PIK3C3: variants seen among roughly 807,000 people sequenced by gnomAD.
PIK3C3 encodes PI3-kinase type 3.
A neutral mutation model predicts 126.1 loss-of-function variants in PIK3C3; 95 were observed. That is an observed-to-expected ratio of 0.75 (90% CI 0.64 to 0.89). PIK3C3 has a LOEUF of 0.89. Ranked by LOEUF, PIK3C3 falls within the 40% of genes least tolerant of loss-of-function variation. PIK3C3 has a pLI of 0.00. For missense variants in PIK3C3, 829 were observed against 1,063.2 expected, an observed-to-expected ratio of 0.78 and a Z score of 3.06; for synonymous variants, 374 against 360.0, an observed-to-expected ratio of 1.04 and a Z score of -0.44.
Position 42,029,454 on chromosome 18 carries a change from T to G in PIK3C3, c.1707+13T>G, listed in dbSNP as rs772906730. ...TCGTAAGAAAAAGGTAAGCCTATGG[T>G]GTATGCTTTTGTTCCTAATAGCATC... On this transcript the variant is annotated intron_variant, in intron 15 of 24. Coordinates refer to ENST00000262039, the MANE Select transcript of PIK3C3 (RefSeq NM_002647.4). 48 of 1,435,108 alleles carry G rather than the reference T, an allele frequency of 3.3e-5. No homozygotes were observed. The highest frequency in any genetic ancestry group is 4.7e-5 in the Non-Finnish European group (48 of 1,017,248). The allele number at this position is 1,435,108 out of a possible 1,614,324, so 88.9% of individuals were successfully genotyped here. A position where few individuals can be genotyped will look rare whatever the true frequency, so the allele number is the denominator to read the frequency against.
At chr18:42,038,981 C>G in intron 18 of PIK3C3, 131 bp downstream of exon 18, 1 of 607,248 alleles carries the variant, frequency 1.6e-6, no homozygotes, top group East Asian at 3.0e-5. Context: ...GTTGGACCTT[C>G]CTGCCTGCTT....
chr18:42,040,719 T>G lies in PIK3C3; in HGVS notation c.2081T>G (p.Leu694Arg). 2 of 1,609,560 alleles carry G rather than the reference T, an allele frequency of 1.2e-6. No homozygotes were observed. The highest frequency in any genetic ancestry group is 2.2e-5 in the South Asian group (2 of 90,844). The change falls in exon 19 of 25, where the codon CTT becomes CGT. Residue 694 changes from leucine (L) to arginine (R), a missense_variant. By Grantham distance (102) the Leu-to-Arg change is moderately radical. Coordinates refer to ENST00000262039, the MANE Select transcript of PIK3C3 (RefSeq NM_002647.4). ...FIQSVPVAEV[L>R]DTEGSIQNFF... is the part of the protein sequence containing the mutation. The stretch of plus-strand genomic sequence containing the variant: ...CAGTCAGTTCCTGTGGCTGAAGTTC[T>G]TGATACAGAGGGAAGCATTCAGGTA...
At chr18:41,970,622 G>A in intron 4 of PIK3C3, 166 bp downstream of exon 4, 1 of 683,518 alleles carries the variant, frequency 1.5e-6, no homozygotes, top group South Asian at 1.7e-5. Context: ...TTCACCCTTG[G>A]AAAGCATACA....
In PIK3C3 at chr18:41,955,348, C is replaced by T. The variant is rs12457270; in HGVS notation, c.57C>T (p.Val19=). Residue 19 remains valine (V), a synonymous_variant, in exon 1 of 25, where the codon GTC becomes GTT. Transcript: ENST00000262039. ...ATAGTTGTGACCTGGATATCAACGT[C>T]CAGCTTAAGATGTAAGAGAACACTC... is the stretch of plus-strand genomic sequence containing the variant. ...YIYSCDLDIN[V]QLKIGSLEGK... is the part of the protein sequence containing the mutation. 42 of 1,613,098 alleles carry T rather than the reference C, an allele frequency of 2.6e-5. No individual in the cohort carries two copies. The Admixed American group carries it at 6.8e-4, about 26-fold the overall frequency.
intron 19 of PIK3C3, among the ~76,000 whole-genome samples, chr18:42,042,852 A>T (rs28708684): frequency 1.3e-5 from 2 of 152,156 alleles, no homozygotes; most frequent in South Asian, 4.1e-4. Flanking sequence ...GCCAAACTTC[A>T]AACTCTTCGT....
At position 41,987,818 on chromosome 18, in the gene PIK3C3, A is replaced by G; in HGVS notation, c.538A>G (p.Lys180Glu). 1 of 1,605,138 alleles carries G rather than the reference A, an allele frequency of 6.2e-7. No homozygotes were observed. The highest frequency in any genetic ancestry group is 8.5e-7 in the Non-Finnish European group (1 of 1,175,036). The change falls in exon 5 of 25, where the codon AAA (lysine) becomes GAA (glutamate). Residue 180 changes from lysine to glutamate, a missense_variant. Physicochemically the swap from Lys to Glu is moderately conservative, Grantham distance 56. Around this residue, in one of 4 missense-constraint regions of PIK3C3, gnomAD observed 313 missense variants for 340.7 expected, o/e 0.92. Coordinates refer to ENST00000262039, the MANE Select transcript of PIK3C3 (RefSeq NM_002647.4). Reference protein sequence around the residue: ...DQMSRLAKLTKAHRQGHMVKV... With the variant: ...DQMSRLAKLTEAHRQGHMVKV... Reference sequence around the variant, plus strand: ...CATTGTATTTATTCTGCAGCTCACCAAAGCTCATCGACAAGGACACATGGT... The same window carrying G: ...CATTGTATTTATTCTGCAGCTCACCGAAGCTCATCGACAAGGACACATGGT...
intron 4 of PIK3C3, among the ~76,000 whole-genome samples, chr18:41,981,554 A>G (rs1161371451): frequency 6.6e-6 from 1 of 152,222 alleles, no homozygotes; most frequent in South Asian, 2.1e-4. Flanking sequence ...AATTAAATAC[A>G]TAGGCATATG....
chr18:42,030,165 T>G (rs1362779710), intron 15 of PIK3C3, among the ~76,000 whole-genome samples: 1 of 152,202 alleles, frequency 6.6e-6, no homozygotes, highest in Non-Finnish European at 1.5e-5. Flanking sequence ...AGAGATCATT[T>G]AGACTAGAAT....
At chr18:41,984,178 A>C (rs1445386411) in intron 4 of PIK3C3, among the ~76,000 whole-genome samples, 1 of 152,014 alleles carries the variant, frequency 6.6e-6, no homozygotes, top group Admixed American at 6.6e-5. Flanking sequence ...CAGAATGCAG[A>C]TTTTCTCTTT....
intron 24 of PIK3C3, among the ~76,000 whole-genome samples, chr18:42,074,870 G>T (rs1174140766): frequency 6.6e-6 from 1 of 151,992 alleles, no homozygotes; most frequent in African/African-American, 2.4e-5. Flanking sequence ...TGCCAGACTA[G>T]AGAACATGGG....
chr18:42,076,095 T>TATATATGC (rs1555643324), intron 24 of PIK3C3, among the ~76,000 whole-genome samples: 29 of 74,378 alleles, frequency 3.9e-4, no homozygotes, highest in Admixed American at 7.3e-4. Flanking sequence ...CTTGCATATA[T>TATATATGC]ATATATATAT....
intron 21 of PIK3C3, chr18:42,050,503 T>C (rs904899505): frequency 1.8e-4 from 27 of 152,194 alleles, no homozygotes; most frequent in Admixed American, 1.8e-3. Context: ...CTCTACTACC[T>C]GCCTAAAACC....
chr18:42,041,319 T>C (rs1984307901), intron 19 of PIK3C3, among the ~76,000 whole-genome samples: 1 of 152,188 alleles, frequency 6.6e-6, no homozygotes, highest in South Asian at 2.1e-4. Flanking sequence ...TGATGAGCAC[T>C]TTATTTCCAG....
chr18:41,985,809 G>T (rs1981445495), intron 4 of PIK3C3, among the ~76,000 whole-genome samples: 1 of 152,082 alleles, frequency 6.6e-6, no homozygotes, highest in Non-Finnish European at 1.5e-5. Flanking sequence ...CTAATCATAT[G>T]CTATATGGGA....
At chr18:41,958,852 C>G (rs1384907764) in intron 2 of PIK3C3, among the ~76,000 whole-genome samples, 2 of 152,086 alleles carry the variant, frequency 1.3e-5, no homozygotes, top group African/African-American at 2.4e-5. Flanking sequence ...GCCTAAGTTT[C>G]TGTTACATAC....
intron 6 of PIK3C3, among the ~76,000 whole-genome samples, chr18:41,991,037 A>G (rs1981750936): frequency 6.6e-6 from 1 of 152,162 alleles, no homozygotes; most frequent in Non-Finnish European, 1.5e-5. Flanking sequence ...ATGCAAAATT[A>G]AGACAATTTT....
intron 24 of PIK3C3, among the ~76,000 whole-genome samples, chr18:42,072,012 C>T (rs1313586705): frequency 1.3e-5 from 2 of 152,102 alleles, no homozygotes; most frequent in African/African-American, 2.4e-5. Context: ...ATTATAAAAG[C>T]ATAGTTGTTT....
chr18:42,062,416 A>C (rs1253928667), intron 22 of PIK3C3, among the ~76,000 whole-genome samples: 1 of 151,900 alleles, frequency 6.6e-6, no homozygotes, highest in East Asian at 1.9e-4. Context: ...CAAATTCATA[A>C]ACTTTCTTAA....
chr18:42,079,946 AGTGTGTGTGTGTGTGTGT>A (rs6146278), intron 24 of PIK3C3, among the ~76,000 whole-genome samples: 8 of 137,238 alleles, frequency 5.8e-5, no homozygotes, highest in East Asian at 4.2e-4. Flanking sequence ...CCAACTTTTG[AGTGTGTGTGTGTGTGTGT>A]GTGTGTGTGT....
Sources: gnomAD v4.1 joint callset for allele counts (sites outside exome capture counted in the v4.1 genomes callset) on GRCh38, gnomAD v4.1.1 for gene constraint, gnomAD v4.1.1 regional missense constraint, MANE v1.5 for transcripts, NCBI Gene and HGNC (gene_info 2026-07-23, HGNC 2026-07-21) for gene names.